RHOBTB1: variants seen among roughly 807,000 people sequenced by gnomAD.
The protein encoded by RHOBTB1 is rho-related BTB domain-containing protein 1.
In RHOBTB1, 40 loss-of-function variants were observed where a neutral mutation model predicts 71.6. The ratio of observed to expected loss-of-function variants is 0.56; its 90% CI spans 0.43 to 0.73. The LOEUF is 0.73. Among genes scored for constraint, RHOBTB1 ranks in the 30% least tolerant of loss-of-function variants. The pLI, the probability that RHOBTB1 is intolerant of heterozygous loss-of-function variation, is 0.00. For missense variants in RHOBTB1, 797 were observed against 894.0 expected (o/e 0.89, Z 1.38); for synonymous variants, 319 against 334.9 (o/e 0.95, Z 0.52).
chr10:60,918,819 C>T (rs1469855317), intron 2 of RHOBTB1, among the ~76,000 whole-genome samples: 1 of 151,410 alleles, frequency 6.6e-6, no homozygotes, highest in Non-Finnish European at 1.5e-5. Context: ...AATCTTGGCT[C>T]ACCACAAACC....
intron 2 of RHOBTB1, among the ~76,000 whole-genome samples, chr10:60,950,674 A>T (rs1319260022): frequency 6.6e-6 from 1 of 152,358 alleles, no homozygotes; most frequent in East Asian, 1.9e-4. Context: ...AAATGAAATG[A>T]TGTTTGTGGA....
chr10:60,900,026 C>T (rs753432903), intron 4 of RHOBTB1, among the ~76,000 whole-genome samples: 6 of 152,004 alleles, frequency 3.9e-5, no homozygotes, highest in Non-Finnish European at 8.8e-5. Flanking sequence ...AGCAAAGGCC[C>T]GAGGTAGGAG....
intron 1 of RHOBTB1, among the ~76,000 whole-genome samples, chr10:60,997,002 A>G (rs1260854171): frequency 6.6e-6 from 1 of 151,716 alleles, no homozygotes; most frequent in African/African-American, 2.4e-5. Flanking sequence ...GTCCAATAGA[A>G]ACATTTTTGA....
intron 2 of RHOBTB1, among the ~76,000 whole-genome samples, chr10:60,951,732 G>T (rs1239018388): frequency 6.6e-6 from 1 of 152,144 alleles, no homozygotes; most frequent in African/African-American, 2.4e-5. Flanking sequence ...TGGCACTTTG[G>T]GCAGGAAAGT....
intron 2 of RHOBTB1, among the ~76,000 whole-genome samples, chr10:60,959,319 A>G (rs1442297289): frequency 6.6e-6 from 1 of 152,172 alleles, no homozygotes; most frequent in Non-Finnish European, 1.5e-5. Flanking sequence ...CTCTCAGGAA[A>G]AAGTTTCCAG....
At chr10:60,988,058 G>T (rs751801664) in intron 1 of RHOBTB1, among the ~76,000 whole-genome samples, 1 of 149,274 alleles carries the variant, frequency 6.7e-6, no homozygotes, top group East Asian at 2.0e-4. Context: ...CAGCCTCCCG[G>T]GTAGCTGGGA....
intron 2 of RHOBTB1, among the ~76,000 whole-genome samples, chr10:60,963,434 G>C (rs1170246642): frequency 6.6e-6 from 1 of 152,122 alleles, no homozygotes; most frequent in Non-Finnish European, 1.5e-5. Context: ...CTGCAAAAAG[G>C]CTCCTTTGAA....
At position 60,888,216 on chromosome 10, in the gene RHOBTB1, G is replaced by C; in HGVS notation, c.1452C>G (p.Phe484Leu). Residue 484 changes from phenylalanine to leucine, a missense_variant, in exon 6 of 11, where the codon TTC becomes TTG. Physicochemically the swap from Phe to Leu is conservative, Grantham distance 22. Around this residue, in one of 2 missense-constraint regions of RHOBTB1, gnomAD observed 658 missense variants for 681.5 expected, o/e 0.97. Coordinates refer to ENST00000337910, the MANE Select transcript of RHOBTB1 (RefSeq NM_014836.5). ...RIKECLSKGT[F>L]SDVTFKLDDG... The stretch of plus-strand genomic sequence containing the variant: ...TCTGCCCCGCGGCCCACTCACCCGA[G>C]AACGTTCCCTTGCTGAGACACTCTT... The C allele has an allele frequency of 1.2e-6, 2 of 1,612,094 alleles. No homozygotes were observed.
At chr10:60,910,650 C>T (rs1443558977) in intron 4 of RHOBTB1, among the ~76,000 whole-genome samples, 1 of 152,194 alleles carries the variant, frequency 6.6e-6, no homozygotes, top group Non-Finnish European at 1.5e-5. Flanking sequence ...AGCAAACCTT[C>T]CAGCTTGACC....
intron 2 of RHOBTB1, among the ~76,000 whole-genome samples, chr10:60,916,924 T>C (rs2083298361): frequency 1.3e-5 from 2 of 152,248 alleles, no homozygotes; most frequent in Admixed American, 1.3e-4. Context: ...AATATGAAGT[T>C]GCTATACTGC....
At chr10:60,884,677 T>C (rs1478644919) in intron 7 of RHOBTB1, among the ~76,000 whole-genome samples, 1 of 152,154 alleles carries the variant, frequency 6.6e-6, no homozygotes, top group Non-Finnish European at 1.5e-5. Flanking sequence ...AATTCTGTCA[T>C]TCAAGACAAC....
At chr10:60,892,180 C>T (rs1341949840) in intron 5 of RHOBTB1, among the ~76,000 whole-genome samples, 15 of 152,110 alleles carry the variant, frequency 9.9e-5, no homozygotes, top group African/African-American at 2.4e-5. Flanking sequence ...AAATCAATAT[C>T]GACATTTTAT....
At chr10:60,948,803 C>T (rs1434400406), upstream of RHOBTB1, among the ~76,000 whole-genome samples, 1 of 152,232 alleles carries the variant, frequency 6.6e-6, no homozygotes, top group Non-Finnish European at 1.5e-5. Flanking sequence ...TAACACCCAA[C>T]AACTTTCTGG....
At chr10:60,924,369 C>T (rs2083741714) in intron 2 of RHOBTB1, among the ~76,000 whole-genome samples, 1 of 151,948 alleles carries the variant, frequency 6.6e-6, no homozygotes, top group Admixed American at 6.6e-5. Flanking sequence ...ATATTTATAT[C>T]AGATAAGATA....
intron 4 of RHOBTB1, among the ~76,000 whole-genome samples, chr10:60,900,735 G>A (rs1164478219): frequency 6.6e-6 from 1 of 152,166 alleles, no homozygotes; most frequent in African/African-American, 2.4e-5. Flanking sequence ...CTTAAAGTAA[G>A]TCAGAGAATC....
intron 4 of RHOBTB1, among the ~76,000 whole-genome samples, chr10:60,897,712 T>C (rs2082224871): frequency 6.6e-6 from 1 of 152,108 alleles, no homozygotes; most frequent in Non-Finnish European, 1.5e-5. Context: ...CATATACATA[T>C]AATTTTTTTT....
downstream of RHOBTB1, among the ~76,000 whole-genome samples, chr10:60,866,846 T>C (rs1029984644): frequency 6.6e-6 from 1 of 152,096 alleles, no homozygotes; most frequent in Non-Finnish European, 1.5e-5. Flanking sequence ...TAAACCACTG[T>C]CATGAAGCAC....
chr10:60,963,540 T>C (rs549054645), intron 2 of RHOBTB1, among the ~76,000 whole-genome samples: 2 of 152,242 alleles, frequency 1.3e-5, no homozygotes, highest in South Asian at 4.2e-4. Context: ...AAATGCATAT[T>C]CAGGCTCTCC....
chr10:60,975,512 T>C (rs2086286716), intron 2 of RHOBTB1, among the ~76,000 whole-genome samples: 1 of 152,164 alleles, frequency 6.6e-6, no homozygotes, highest in Admixed American at 6.6e-5. Flanking sequence ...GCTGAAATTT[T>C]AAGCTAAAAT....
Sources: gnomAD v4.1 joint callset for allele counts (sites outside exome capture counted in the v4.1 genomes callset) on GRCh38, gnomAD v4.1.1 for gene constraint, gnomAD v4.1.1 regional missense constraint, MANE v1.5 for transcripts, NCBI Gene and HGNC (gene_info 2026-07-23, HGNC 2026-07-21) for gene names.